The following PLD2 variants were observed in gnomAD, a reference collection of about 807,000 sequenced individuals.
PLD2 encodes phospholipase D2, also known as choline phosphatase 2.
Under a neutral mutation model 119.8 loss-of-function variants are expected in PLD2, and 101 were observed. The ratio of observed to expected loss-of-function variants is 0.84; its 90% CI spans 0.72 to 0.99. The LOEUF (loss-of-function observed/expected upper bound fraction) is 0.99, where lower values mean the gene tolerates loss of function less well. Among genes scored for constraint, PLD2 ranks in the 50% least tolerant of loss-of-function variants. The pLI, the probability that PLD2 is intolerant of heterozygous loss-of-function variation, is 0.00. For synonymous variants in PLD2, 494 were observed against 482.8 expected, an observed-to-expected ratio of 1.02 and a Z score of -0.30; for missense variants, 1,164 against 1,226.8, an observed-to-expected ratio of 0.95 and a Z score of 0.76.
In PLD2 at chr17:4,819,590, T is replaced by C. The variant is rs563627521; in HGVS notation, c.2462+8T>C. ...GCGGAAGCACTGCTTCGGGTAGAGC[T>C]GGGGCGGGATGCCACAGGGTGGGAG... On this transcript the variant is annotated splice_region_variant and intron_variant, in intron 23 of 24. Coordinates refer to ENST00000263088, the MANE Select transcript of PLD2 (RefSeq NM_002663.5). This position sits in a 1 kb window ranked among gnomAD's most constrained non-coding sequence, Gnocchi z 4.2. 1.9e-6 allele frequency: 3 copies of C among 1,599,490 alleles called. No individual in the cohort carries two copies. The highest frequency in any genetic ancestry group is 2.2e-5 in the East Asian group (1 of 44,702).
rs200754337 is a variant in PLD2, at chr17:4,810,066, G to A, written c.860+37G>A. 769 of 1,606,484 alleles carry A rather than the reference G, an allele frequency of 4.8e-4. 1 individual carries two copies. Among genetic ancestry groups the A allele is most frequent in the Non-Finnish European group, 6.0e-4 (704 of 1,176,950 alleles). ...CTGGGGTGAGAGACACCAGCTGAGT[G>A]GTGAGCCCACCCACGGCCTTGCTGG... On this transcript the variant is annotated intron_variant, in intron 9 of 24. Coordinates refer to ENST00000263088, the MANE Select transcript of PLD2 (RefSeq NM_002663.5).
At chr17:4,813,255 C>T (rs1378879913) in intron 10 of PLD2, among the ~76,000 whole-genome samples, 1 of 152,150 alleles carries the variant, frequency 6.6e-6, no homozygotes, top group Non-Finnish European at 1.5e-5. Flanking sequence ...AGTGATCCAC[C>T]CGCTTCGGCT....
intron 10 of PLD2, among the ~76,000 whole-genome samples, chr17:4,813,845 C>A (rs147766751): frequency 6.6e-6 from 1 of 152,040 alleles, no homozygotes; most frequent in South Asian, 2.1e-4. Context: ...GGTGACAGAG[C>A]GGGACACCAT....
At position 4,816,958 on chromosome 17, in the gene PLD2, C is replaced by A; in HGVS notation, c.1604C>A (p.Thr535Asn). 6.2e-7 allele frequency: 1 copy of A among 1,613,722 alleles called. No homozygotes were observed. The highest frequency in any genetic ancestry group is 2.2e-5 in the East Asian group (1 of 44,862). The change falls in exon 16 of 25, where the codon ACC (threonine) becomes AAC (asparagine). Residue 535 changes from threonine to asparagine, a missense_variant. By Grantham distance (65) the Thr-to-Asn change is moderately conservative. Coordinates refer to ENST00000263088, the MANE Select transcript of PLD2 (RefSeq NM_002663.5). The part of the protein sequence containing the change: ...PFEDFIDRET[T>N]PRMPWRDVGV... ...CCAGATTTCATTGACAGGGAGACGA[C>A]CCCTCGGATGCCATGGCGGGACGTT...
At chr17:4,813,582 A>G (rs969064723) in intron 10 of PLD2, among the ~76,000 whole-genome samples, 1 of 152,158 alleles carries the variant, frequency 6.6e-6, no homozygotes, top group African/African-American at 2.4e-5. Context: ...ACTGCTGACC[A>G]GTCGCTTTGG....
chr17:4,809,612 C>T, intron 7 of PLD2, 61 bp downstream of exon 7: 1 of 1,608,472 alleles, frequency 6.2e-7, no homozygotes, highest in African/African-American at 1.3e-5. Context: ...TTCTCCCTGC[C>T]TGAGATTGGG....
At chr17:4,817,381 G>A (rs531087352) in intron 17 of PLD2, 122 bp downstream of exon 17, 6 of 750,384 alleles carry the variant, frequency 8.0e-6, no homozygotes, top group Admixed American at 3.8e-5. Flanking sequence ...AGCACATCAC[G>A]GCCAGGCACG....
Position 4,823,091 on chromosome 17 carries a change from C to A in PLD2, c.*227C>A. The A allele has an allele frequency of 1.9e-6, 1 of 537,570 alleles. No individual in the cohort carries two copies. The highest frequency in any genetic ancestry group is 2.8e-5 in the South Asian group (1 of 36,222). 33.3% of individuals were successfully genotyped at this position (537,570 alleles called of 1,614,324 possible). A position where few individuals can be genotyped will look rare whatever the true frequency, so the allele number is the denominator to read the frequency against. On this transcript the variant is annotated 3_prime_UTR_variant, in exon 25 of 25. Transcript: ENST00000263088. ...GGAGAGAGTCCCAGAGCTCATCCCC[C>A]CTGCTGCCCAGTGCAAACCACTTCT...
chr17:4,814,154 T>G, intron 10 of PLD2: 12 of 351,856 alleles, frequency 3.4e-5, no homozygotes, highest in Non-Finnish European at 4.1e-5. Flanking sequence ...TTCTTGTCGA[T>G]TTATTGGTGT....
rs138750784 is a variant in PLD2, at chr17:4,819,465, A to G, written c.2345A>G (p.Lys782Arg). The G allele has an allele frequency of 1.2e-6, 2 of 1,613,856 alleles. No homozygotes were observed. The highest frequency in any genetic ancestry group is 1.3e-5 in the African/African-American group (1 of 74,892). Reference protein sequence around the residue: ...ANINDRSLLGKRDSELAVLIE... With the variant: ...ANINDRSLLGRRDSELAVLIE... ...ATCAATGACCGGAGCTTGCTGGGGA[A>G]GCGGGACAGTGAGCTGGCCGTGCTG... The change falls in exon 23 of 25, where the codon AAG (lysine) becomes AGG (arginine). Residue 782 changes from lysine to arginine, a missense_variant. Lys to Arg is a conservative substitution (Grantham distance 26). Coordinates refer to ENST00000263088, the MANE Select transcript of PLD2 (RefSeq NM_002663.5). The surrounding 1 kb of genome is among the most constrained non-coding windows in gnomAD (Gnocchi z 4.2).
In PLD2 at chr17:4,810,838, A is replaced by G. The variant is rs768427224; in HGVS notation, c.897A>G (p.Ala299=). ...LILKCSSYRQ[A]RWWAQEITEL... ...TCAAGTGCAGCAGCTACCGGCAGGC[A>G]CGGTGGTGGGCCCAAGAGATCACTG... Residue 299 remains alanine (A), a synonymous_variant, in exon 10 of 25, where the codon GCA becomes GCG. Coordinates refer to ENST00000263088, the MANE Select transcript of PLD2 (RefSeq NM_002663.5). The G allele has an allele frequency of 3.1e-6, 5 of 1,613,280 alleles. No homozygotes were observed. Among genetic ancestry groups the G allele is most frequent in the Non-Finnish European group, 4.2e-6 (5 of 1,179,664 alleles).
In PLD2 at chr17:4,815,497, A is replaced by G. The variant is rs372533526; in HGVS notation, c.1195A>G (p.Ile399Val). ...CCAGGAGGAGGGTGTCCGTGTGTCT[A>G]TTCTGCTGTTTAAAGAAGTGGAATT... ...RKAEEGVRVS[I>V]LLFKEVELAL... is the part of the protein sequence containing the mutation. The change falls in exon 13 of 25, where the codon ATT becomes GTT. Residue 399 changes from isoleucine (I) to valine (V), a missense_variant. Ile to Val is a conservative substitution (Grantham distance 29). Coordinates refer to ENST00000263088, the MANE Select transcript of PLD2 (RefSeq NM_002663.5). The G allele has an allele frequency of 8.7e-6, 14 of 1,612,086 alleles. No individual in the cohort carries two copies. In the East Asian group the frequency reaches 2.7e-4, roughly 31 times the overall value.
intron 5 of PLD2, 24 bp from the exon 6 acceptor site, chr17:4,809,274 C>A (rs1325901732): frequency 1.4e-5 from 22 of 1,612,536 alleles, no homozygotes; most frequent in Non-Finnish European, 1.7e-5. Flanking sequence ...ATCTGTCTCT[C>A]TCTCTCTCTC....
rs200449808 is a variant in PLD2 at position 4,814,658 on chromosome 17, C to T, written c.1120C>T (p.Arg374Cys). The T allele has an allele frequency of 3.8e-5, 61 of 1,613,914 alleles. No individual in the cohort carries two copies. The highest frequency in any genetic ancestry group is 5.3e-5 in the African/African-American group (4 of 74,858). ...GTTGAGTCCTGAGGTTTACCTGAAG[C>T]GTCCGGCCCATTCAGATGACTGGAG... ...WWLSPEVYLK[R>C]PAHSDDWRLD... Residue 374 changes from arginine (R) to cysteine (C), a missense_variant, in exon 12 of 25, where the codon CGT (arginine) becomes TGT (cysteine). Arg to Cys is a radical substitution (Grantham distance 180). Transcript: ENST00000263088.
chr17:4,811,574 A>G (rs1476003026), intron 10 of PLD2, among the ~76,000 whole-genome samples: 1 of 152,074 alleles, frequency 6.6e-6, no homozygotes, highest in Non-Finnish European at 1.5e-5. Context: ...CACCGTGCCC[A>G]GCCTTAATAA....
Position 4,815,579 on chromosome 17 carries a change from A to C in PLD2, c.1277A>C (p.Asn426Thr). 1.2e-6 allele frequency: 2 copies of C among 1,611,832 alleles called. No individual in the cohort carries two copies. The highest frequency in any genetic ancestry group is 2.2e-5 in the South Asian group (2 of 91,042). Residue 426 changes from asparagine to threonine, a missense_variant, in exon 13 of 25, where the codon AAC becomes ACC. Transcript: ENST00000263088. ...SKRALMLLHP[N>T]IKVMRHPDQV... The stretch of plus-strand genomic sequence containing the variant: ...AGGGCGCTGATGCTGCTGCACCCCA[A>C]CATAAAGGTGACTCTCGGCCTCAGA...
Position 4,815,520 on chromosome 17 carries a change from A to G in PLD2, c.1218A>G (p.Glu406=). 6.2e-7 allele frequency: 1 copy of G among 1,613,654 alleles called. No individual in the cohort carries two copies. Residue 406 remains glutamate, a synonymous_variant, in exon 13 of 25, where the codon GAA becomes GAG. Coordinates refer to ENST00000263088, the MANE Select transcript of PLD2 (RefSeq NM_002663.5). ...CTATTCTGCTGTTTAAAGAAGTGGA[A>G]TTGGCCTTGGGCATCAACAGTGGCT... The part of the protein sequence containing the change: ...RVSILLFKEV[E]LALGINSGYS...
rs1906915974 is a variant in PLD2, at chr17:4,815,847, G to A, written c.1368G>A (p.Gly456=). The A allele has an allele frequency of 3.7e-6, 6 of 1,614,118 alleles. No homozygotes were observed. Among genetic ancestry groups the A allele is most frequent in the Non-Finnish European group, 4.2e-6 (5 of 1,180,014 alleles). ...TGGACCAAGTGGTAGCATTCCTGGG[G>A]GGACTGGACCTTGCCTATGGCCGCT... ...LVVDQVVAFL[G]GLDLAYGRWD... The change falls in exon 14 of 25, where the codon GGG becomes GGA. Residue 456 remains glycine, a synonymous_variant. Coordinates refer to ENST00000263088, the MANE Select transcript of PLD2 (RefSeq NM_002663.5).
rs757682340 is a variant in PLD2, at chr17:4,809,870, G to T, written c.708-7G>T. On this transcript the variant is annotated splice_polypyrimidine_tract_variant and splice_region_variant and intron_variant, in intron 8 of 24. Transcript: ENST00000263088. Reference sequence around the variant, plus strand: ...AGAGAGGAACACACGGAGCCCTTCTGCTCTAGGTGGCTGGTGGTGAAGGAC... The same window carrying T: ...AGAGAGGAACACACGGAGCCCTTCTTCTCTAGGTGGCTGGTGGTGAAGGAC... The T allele has an allele frequency of 1.2e-6, 2 of 1,614,086 alleles. No homozygotes were observed. Among genetic ancestry groups the T allele is most frequent in the Non-Finnish European group, 1.7e-6 (2 of 1,180,046 alleles).
Sources: allele counts gnomAD v4.1 joint callset (sites outside exome capture counted in the v4.1 genomes callset), GRCh38; gene constraint gnomAD v4.1.1; non-coding constraint Gnocchi (gnomAD v3.1); transcripts MANE v1.5; gene names NCBI Gene and HGNC (gene_info 2026-07-23, HGNC 2026-07-21).